Variants in CAT observed in about 807,000 individuals in gnomAD.
The protein encoded by CAT is catalase, also known as epididymis secretory sperm binding protein.
Under a neutral mutation model 59.0 loss-of-function variants are expected in CAT, and 43 were observed. The ratio of observed to expected loss-of-function variants is 0.73; its 90% CI spans 0.57 to 0.94. CAT has a LOEUF of 0.94. CAT is among the 40% of genes least tolerant of loss of function. The probability of loss-of-function intolerance (pLI) is 0.00; values close to 1 mark genes in which losing one functional copy is unlikely to be tolerated. For missense variants in CAT, 664 were observed against 682.9 expected (o/e 0.97, Z 0.31); for synonymous variants, 218 against 230.9 (o/e 0.94, Z 0.51).
At chr11:34,468,148 A>G in intron 10 of CAT, 140 bp from the exon 11 acceptor site, 1 of 719,008 alleles carries the variant, frequency 1.4e-6, no homozygotes, top group Non-Finnish European at 2.5e-6. Context: ...TGAAGGACAC[A>G]ACCCAAATTT....
In CAT at chr11:34,452,198, T is replaced by C. The variant is rs1856531411; in HGVS notation, c.471T>C (p.Asp157=). ...GNNTPIFFIR[D]PILFPSFIHS... is the part of the protein sequence containing the mutation. ...ACACCCCCATTTTCTTCATCAGGGA[T>C]CCCATATTGGTAGGTAATAGAGTAT... Residue 157 remains aspartate (D), a synonymous_variant, in exon 4 of 13, where the codon GAT becomes GAC. Transcript: ENST00000241052. 2 of 1,613,824 alleles carry C rather than the reference T, an allele frequency of 1.2e-6. No individual in the cohort carries two copies. The highest frequency in any genetic ancestry group is 1.7e-5 in the Admixed American group (1 of 60,020).
chr11:34,460,446 C>CCTTTTTTTTTTTTTT (rs764827639), intron 8 of CAT, among the ~76,000 whole-genome samples: 1 of 84,534 alleles, frequency 1.2e-5, no homozygotes. Flanking sequence ...GTGGGCGGTA[C>CCTTTTTTTTTTTTTT]TTTTTTTTTT....
intron 9 of CAT, 68 bp from the exon 10 acceptor site, chr11:34,464,037 A>T: frequency 6.7e-7 from 1 of 1,496,864 alleles, no homozygotes; most frequent in South Asian, 1.1e-5. Flanking sequence ...TTCTCATCAC[A>T]GTGATTATTT....
chr11:34,471,130 C>CA (rs1856768635), intron 12 of CAT, 89 bp downstream of exon 12: 3 of 1,119,686 alleles, frequency 2.7e-6, no homozygotes, highest in African/African-American at 1.5e-5. Context: ...TTACAGTCTG[C>CA]AGGGGCCATT....
At chr11:34,467,272 C>G (rs150635751) in intron 10 of CAT, among the ~76,000 whole-genome samples, 1 of 152,042 alleles carries the variant, frequency 6.6e-6, no homozygotes, top group East Asian at 1.9e-4. Context: ...GTGACCCAGT[C>G]GATGTTTTCA....
At chr11:34,450,784 G>C (rs774248862) in intron 2 of CAT, among the ~76,000 whole-genome samples, 24 of 152,122 alleles carry the variant, frequency 1.6e-4, no homozygotes, top group Non-Finnish European at 2.8e-4. Flanking sequence ...TGTGGCATTC[G>C]ACTTAGCACT....
chr11:34,445,217 C>T (rs771134226), intron 1 of CAT, among the ~76,000 whole-genome samples: 8 of 151,986 alleles, frequency 5.3e-5, no homozygotes, highest in Non-Finnish European at 7.4e-5. Flanking sequence ...AGGCTGGGCG[C>T]GGTGGCTCAC....
chr11:34,471,668 GGATTA>G lies in CAT; in HGVS notation c.*236_*240del, dbSNP rs1856775206. 5 of 532,252 alleles carry G rather than the reference GGATTA, an allele frequency of 9.4e-6. No homozygotes were observed. Among genetic ancestry groups the G allele is most frequent in the Middle Eastern group, 5.2e-4 (1 of 1,920 alleles). 33.0% of individuals were successfully genotyped at this position (532,252 alleles called of 1,614,324 possible). A position where few individuals can be genotyped will look rare whatever the true frequency, so the allele number is the denominator to read the frequency against. On this transcript the variant is annotated 3_prime_UTR_variant, in exon 13 of 13. Transcript: ENST00000241052. The stretch of plus-strand genomic sequence containing the variant: ...AAAAAATTTGTTTTGACGGATGATT[GGATTA>G]TTCATTTAAAATGATTAGAAGGCAA...
intron 4 of CAT, 92 bp from the exon 5 acceptor site, chr11:34,452,998 C>G: frequency 2.5e-6 from 2 of 790,578 alleles, no homozygotes; most frequent in South Asian, 1.4e-5. Context: ...GAATTATAAT[C>G]CATAAACCTA....
intron 3 of CAT, 28 bp downstream of exon 3, chr11:34,451,126 A>G (rs754231117): frequency 5.7e-5 from 73 of 1,278,298 alleles, no homozygotes; most frequent in Non-Finnish European, 7.9e-5. Flanking sequence ...CGTGATTGGT[A>G]TGGCTTAACT....
intron 8 of CAT, among the ~76,000 whole-genome samples, chr11:34,457,204 C>CTTTTTTTTTT (rs899442681): frequency 1.1e-4 from 7 of 66,172 alleles, no homozygotes; most frequent in Admixed American, 1.9e-4. Flanking sequence ...TTTTCTTGTT[C>CTTTTTTTTTT]TTTTTTTTTT....
chr11:34,452,196 G>T lies in CAT; in HGVS notation c.469G>T (p.Asp157Tyr), dbSNP rs768277375. ...GNNTPIFFIR[D>Y]PILFPSFIHS... ...TAACACCCCCATTTTCTTCATCAGG[G>T]ATCCCATATTGGTAGGTAATAGAGT... Residue 157 changes from aspartate (D) to tyrosine (Y), a missense_variant, in exon 4 of 13, where the codon GAT becomes TAT. Coordinates refer to ENST00000241052, the MANE Select transcript of CAT (RefSeq NM_001752.4). The T allele has an allele frequency of 3.7e-6, 6 of 1,613,570 alleles. No homozygotes were observed. The African/African-American group carries it at 6.7e-5, about 18-fold the overall frequency.
rs769864775 is a variant in CAT at position 34,451,015 on chromosome 11, A to G, written c.266A>G (p.His89Arg). 1.9e-6 allele frequency: 3 copies of G among 1,613,396 alleles called. No individual in the cohort carries two copies. The highest frequency in any genetic ancestry group is 1.1e-5 in the South Asian group (1 of 91,086). ...AGAFGYFEVT[H>R]DITKYSKAKV... ...GCCTTTGGCTACTTTGAGGTCACAC[A>G]TGACATTACCAAATACTCCAAGGCA... Residue 89 changes from histidine (H) to arginine (R), a missense_variant, in exon 3 of 13, where the codon CAT (histidine) becomes CGT (arginine). Coordinates refer to ENST00000241052, the MANE Select transcript of CAT (RefSeq NM_001752.4).
At position 34,464,105 on chromosome 11, in the gene CAT, G is replaced by A. The variant is rs753813511; in HGVS notation, c.1196G>A (p.Gly399Asp). 1.2e-6 allele frequency: 2 copies of A among 1,614,108 alleles called. No homozygotes were observed. The highest frequency in any genetic ancestry group is 1.7e-6 in the Non-Finnish European group (2 of 1,180,020). The change falls in exon 10 of 13, where the codon GGT becomes GAT. Residue 399 changes from glycine to aspartate, a missense_variant and splice_region_variant. Coordinates refer to ENST00000241052, the MANE Select transcript of CAT (RefSeq NM_001752.4). ...DGPMCMQDNQ[G>D]GAPNYYPNSF... The stretch of plus-strand genomic sequence containing the variant: ...GCATCTGGGTGGTTTTGTTTTGAAG[G>A]TGGTGCTCCAAATTACTACCCCAAC...
intron 8 of CAT, among the ~76,000 whole-genome samples, chr11:34,460,447 T>TG (rs1491159833): frequency 1.6e-5 from 1 of 64,238 alleles, no homozygotes; most frequent in African/African-American, 9.3e-5. Flanking sequence ...TGGGCGGTAC[T>TG]TTTTTTTTTT....
At position 34,438,976 on chromosome 11, in the gene CAT, A is replaced by C. The variant is rs750791814; in HGVS notation, c.-38A>C. 3 of 1,549,220 alleles carry C rather than the reference A, an allele frequency of 1.9e-6. No individual in the cohort carries two copies. The South Asian group carries it at 3.5e-5, about 18-fold the overall frequency. ...GCTGAGGGTGGAGACCCACGAGCCGAGGCCTCCTGCAGTGTTCTGCACAGC... is the reference window on the plus strand; with the variant it reads ...GCTGAGGGTGGAGACCCACGAGCCGCGGCCTCCTGCAGTGTTCTGCACAGC... On this transcript the variant is annotated 5_prime_UTR_variant, in exon 1 of 13. Coordinates refer to ENST00000241052, the MANE Select transcript of CAT (RefSeq NM_001752.4).
intron 8 of CAT, among the ~76,000 whole-genome samples, chr11:34,458,263 C>T: frequency 6.6e-6 from 1 of 152,204 alleles, no homozygotes; most frequent in Non-Finnish European, 1.5e-5. Flanking sequence ...TATAAACAGT[C>T]ACTCTCTCCT....
At chr11:34,454,246 T>C (rs1856563716) in intron 6 of CAT, among the ~76,000 whole-genome samples, 2 of 152,222 alleles carry the variant, frequency 1.3e-5, no homozygotes, top group Admixed American at 1.3e-4. Context: ...ATAAGTAAAA[T>C]CAATTACAAA....
At chr11:34,461,879 A>C (rs2133857153) in intron 9 of CAT, among the ~76,000 whole-genome samples, 1 of 152,344 alleles carries the variant, frequency 6.6e-6, no homozygotes, top group East Asian at 1.9e-4. Flanking sequence ...GAGGGGAGCT[A>C]GAATTAGCAG....
Sources: gnomAD v4.1 joint callset for allele counts (sites outside exome capture counted in the v4.1 genomes callset) on GRCh38, gnomAD v4.1.1 for gene constraint, MANE v1.5 for transcripts, NCBI Gene and HGNC (gene_info 2026-07-23, HGNC 2026-07-21) for gene names.